Variants in PHF21B observed in about 807,000 individuals in gnomAD.
PHF21B encodes the protein PHD finger protein 21B.
PHF21B carries 22 observed loss-of-function variants against 62.2 expected under a neutral mutation model. That is an observed-to-expected ratio of 0.35 (90% CI 0.25 to 0.51). The LOEUF (loss-of-function observed/expected upper bound fraction) is 0.51, where lower values mean the gene tolerates loss of function less well. Among genes scored for constraint, PHF21B ranks in the 20% least tolerant of loss-of-function variants. PHF21B has a pLI of 0.97. For missense variants in PHF21B, 701 were observed against 707.9 expected (o/e 0.99, Z 0.11); for synonymous variants, 341 against 314.7 (o/e 1.08, Z -0.88).
chr22:44,888,363 C>T (rs2070898067), intron 9 of PHF21B, among the ~76,000 whole-genome samples: 1 of 152,192 alleles, frequency 6.6e-6, no homozygotes, highest in Non-Finnish European at 1.5e-5. Flanking sequence ...GGCTGGGGCA[C>T]TGAGCATTGG....
At chr22:44,992,151 TTC>T (rs2073051874) in intron 2 of PHF21B, among the ~76,000 whole-genome samples, 1 of 152,202 alleles carries the variant, frequency 6.6e-6, no homozygotes, top group East Asian at 1.9e-4. Flanking sequence ...AGAAATTCAG[TTC>T]TGTGTTAATC....
chr22:44,909,339 G>A (rs76993128), intron 5 of PHF21B, among the ~76,000 whole-genome samples: 10,431 of 152,240 alleles, frequency 0.069, 404 homozygotes, highest in African/African-American at 0.077. Flanking sequence ...CCCAAGAGAG[G>A]ACAGAAGGGT....
intron 3 of PHF21B, among the ~76,000 whole-genome samples, chr22:44,919,319 C>A (rs1014152553): frequency 6.6e-6 from 1 of 152,248 alleles, no homozygotes; most frequent in South Asian, 2.1e-4. Flanking sequence ...GCTTCGAATG[C>A]GGCTCAACAC....
intron 7 of PHF21B, among the ~76,000 whole-genome samples, chr22:44,892,017 G>A (rs2070974820): frequency 6.6e-6 from 1 of 152,194 alleles, no homozygotes; most frequent in African/African-American, 2.4e-5. Context: ...CCAGGCTCAG[G>A]GTCACGGGGC....
chr22:44,889,191 C>A (rs1378999304), intron 9 of PHF21B, among the ~76,000 whole-genome samples: 1 of 151,040 alleles, frequency 6.6e-6, no homozygotes, highest in African/African-American at 2.4e-5. Context: ...AAGAAAAACA[C>A]TGAATAAATT....
intron 5 of PHF21B, among the ~76,000 whole-genome samples, chr22:44,896,989 C>T (rs2071072679): frequency 6.8e-6 from 1 of 148,066 alleles, no homozygotes; most frequent in Non-Finnish European, 1.5e-5. Flanking sequence ...AGTGATCCTC[C>T]TACCTCAGCC....
chr22:44,903,160 G>C (rs1021265637), intron 5 of PHF21B, among the ~76,000 whole-genome samples: 1 of 152,196 alleles, frequency 6.6e-6, no homozygotes, highest in Admixed American at 6.5e-5. Context: ...CCCTCCTCCA[G>C]CACATTCTCT....
intron 2 of PHF21B, among the ~76,000 whole-genome samples, chr22:44,994,387 G>C (rs1405231559): frequency 6.6e-6 from 1 of 152,184 alleles, no homozygotes; most frequent in Admixed American, 6.5e-5. Context: ...GACAGAGGCA[G>C]AGACTGGAGG....
intron 2 of PHF21B, among the ~76,000 whole-genome samples, chr22:44,989,990 C>G (rs1045795462): frequency 1.3e-5 from 2 of 152,232 alleles, no homozygotes; most frequent in Non-Finnish European, 2.9e-5. Context: ...CACAGGCACG[C>G]TCTTCATAAA....
rs534538509 is a variant in PHF21B, at chr22:44,954,996, G to A, written c.121-34506C>T. Among the ~76,000 whole-genome samples, 174 of 152,308 alleles carry A rather than the reference G, an allele frequency of 1.1e-3. 4 individuals carry two copies. In the South Asian group the frequency reaches 0.036, roughly 32 times the overall value. ...ACCTCGGGGTGGCAGGCGGGGTGGA[G>A]CTTCCAGCCCAGAAGCCATGATCAA... is the stretch of plus-strand genomic sequence containing the variant. On this transcript the variant is annotated intron_variant, in intron 2 of 12. Transcript: ENST00000313237.
At chr22:44,989,067 G>A (rs576233678) in intron 2 of PHF21B, 2 of 152,280 alleles carry the variant, frequency 1.3e-5, no homozygotes, top group South Asian at 4.2e-4. Context: ...TCGGGGTGAG[G>A]TTTCAAGGTA....
chr22:44,950,376 G>A (rs746549248), intron 2 of PHF21B, among the ~76,000 whole-genome samples: 4 of 152,164 alleles, frequency 2.6e-5, no homozygotes, highest in Non-Finnish European at 5.9e-5. Context: ...AGAGGAATAC[G>A]TGCTACCCTT....
chr22:44,900,712 C>T (rs964744056), intron 5 of PHF21B, among the ~76,000 whole-genome samples: 2 of 151,590 alleles, frequency 1.3e-5, no homozygotes, highest in Non-Finnish European at 2.9e-5. Flanking sequence ...GTTACTCTAG[C>T]GTATCCTGGA....
chr22:44,897,949 C>T lies in PHF21B; in HGVS notation c.832-1866G>A, dbSNP rs142399501. On this transcript the variant is annotated intron_variant, in intron 5 of 12. Transcript: ENST00000313237. ...TCAGCCTCCCAAGTAACTGAGACTA[C>T]AGGTGCACACCACCACACCCAGCTA... is the stretch of plus-strand genomic sequence containing the variant. Among the ~76,000 whole-genome samples, 640 of 152,246 alleles carry T rather than the reference C, an allele frequency of 4.2e-3. 4 individuals are homozygous for T. Among genetic ancestry groups the T allele is most frequent in the African/African-American group, 0.014 (585 of 41,530 alleles).
chr22:44,885,499 T>A lies in PHF21B; in HGVS notation c.1304A>T (p.Gln435Leu), dbSNP rs775513867. The part of the protein sequence containing the change: ...VKEEEKQKLL[Q>L]RGSELQNEHQ... ...CTCGTTCTGCAGCTCACTGCCTCGT[T>A]GCAGCAGCTTCTGCTTCTCCTCTTC... is the stretch of plus-strand genomic sequence containing the variant. The change falls in exon 12 of 13, where the codon CAA becomes CTA. Residue 435 changes from glutamine to leucine, a missense_variant. By Grantham distance (113) the Gln-to-Leu change is moderately radical. Coordinates refer to ENST00000313237, the MANE Select transcript of PHF21B (RefSeq NM_138415.5). 19 of 1,598,580 alleles carry A rather than the reference T, an allele frequency of 1.2e-5. No homozygotes were observed.
At chr22:44,921,997 C>T (rs188266364) in intron 2 of PHF21B, among the ~76,000 whole-genome samples, 3 of 152,302 alleles carry the variant, frequency 2.0e-5, no homozygotes, top group South Asian at 2.1e-4. Flanking sequence ...TCGCACCCCA[C>T]GAGCCTGCCT....
chr22:44,961,790 G>A (rs1000593165), intron 2 of PHF21B, among the ~76,000 whole-genome samples: 20 of 151,820 alleles, frequency 1.3e-4, no homozygotes, highest in South Asian at 8.4e-4. Context: ...GCAGTGAGCC[G>A]AGGTTGCGCG....
intron 10 of PHF21B, 39 bp downstream of exon 10, chr22:44,887,924 T>A: frequency 7.1e-7 from 1 of 1,412,592 alleles, no homozygotes; most frequent in Non-Finnish European, 9.3e-7. Context: ...GGGACCTCCA[T>A]GCCAGTCTGG....
intron 2 of PHF21B, among the ~76,000 whole-genome samples, chr22:44,925,871 C>T (rs2071619440): frequency 6.6e-6 from 1 of 152,230 alleles, no homozygotes; most frequent in South Asian, 2.1e-4. Flanking sequence ...CCGCCCCTGG[C>T]CTGCCAGCCA....
Sources: gnomAD v4.1 joint callset for allele counts (sites outside exome capture counted in the v4.1 genomes callset) on GRCh38, gnomAD v4.1.1 for gene constraint, MANE v1.5 for transcripts, NCBI Gene and HGNC (gene_info 2026-07-23, HGNC 2026-07-21) for gene names.